Variants in DNM2 observed in about 807,000 individuals in gnomAD.
DNM2 encodes the protein dynamin-2.
In DNM2, 15 loss-of-function variants were observed where a neutral mutation model predicts 99.0. That is an observed-to-expected ratio of 0.15 (90% CI 0.10 to 0.23). DNM2 has a LOEUF of 0.23. DNM2 is among the 10% of genes least tolerant of loss of function. DNM2 has a pLI of 1.00. For synonymous variants in DNM2, 525 were observed against 481.2 expected, an observed-to-expected ratio of 1.09 and a Z score of -1.19; for missense variants, 742 against 1,189.4, an observed-to-expected ratio of 0.62 and a Z score of 5.53.
At chr19:10,724,868 G>A (rs563746640) in intron 1 of DNM2, among the ~76,000 whole-genome samples, 43 of 152,320 alleles carry the variant, frequency 2.8e-4, no homozygotes, top group Non-Finnish European at 5.1e-4. Context: ...CAGCTGTGCC[G>A]GGGATGCTGG....
intron 12 of DNM2, chr19:10,802,743 A>G (rs1368346365): frequency 2.9e-5 from 10 of 343,582 alleles, no homozygotes; most frequent in African/African-American, 1.3e-4. Context: ...TCATGGGCTC[A>G]GGGCTCCGGA....
intron 1 of DNM2, among the ~76,000 whole-genome samples, chr19:10,731,477 T>C (rs1169659916): frequency 2.6e-5 from 4 of 151,648 alleles, no homozygotes; most frequent in Non-Finnish European, 4.4e-5. Flanking sequence ...CTCAGCCTCC[T>C]GAGTAGCTGG....
intron 1 of DNM2, among the ~76,000 whole-genome samples, chr19:10,736,847 T>C (rs2145739622): frequency 6.6e-6 from 1 of 152,248 alleles, no homozygotes; most frequent in Middle Eastern, 3.4e-3. Context: ...AGAGGGAGCC[T>C]GTTAAGAATA....
chr19:10,792,866 C>G (rs1420994306), intron 7 of DNM2, among the ~76,000 whole-genome samples: 3 of 152,050 alleles, frequency 2.0e-5, no homozygotes, highest in African/African-American at 7.2e-5. Flanking sequence ...CCTCAGCCTC[C>G]CAAAGTGCTG....
chr19:10,823,708 C>T, intron 16 of DNM2, 80 bp from the exon 17 acceptor site: 2 of 1,431,244 alleles, frequency 1.4e-6, no homozygotes, highest in Admixed American at 3.4e-5. Context: ...AGAAAGACCC[C>T]TAGAGCCCAT....
At position 10,811,311 on chromosome 19, in the gene DNM2, G is replaced by A. The variant is rs555681344; in HGVS notation, c.1558-953G>A. On this transcript the variant is annotated intron_variant, in intron 14 of 20. Transcript: ENST00000389253. This position sits in a 1 kb window ranked among gnomAD's most constrained non-coding sequence, Gnocchi z 5.4. Reference sequence around the variant, plus strand: ...GTCAGGCCCGGGGTGGGTCGGGGTAGTCCGGATGAAGCCCCTCCAGAGGAC... The same window carrying A: ...GTCAGGCCCGGGGTGGGTCGGGGTAATCCGGATGAAGCCCCTCCAGAGGAC... 1.5e-5 allele frequency: 3 copies of A among 206,296 alleles called. No individual in the cohort carries two copies. The highest frequency in any genetic ancestry group is 1.4e-4 in the East Asian group (1 of 6,898). 12.8% of individuals were successfully genotyped at this position (206,296 alleles called of 1,614,324 possible).
At chr19:10,723,482 G>C (rs994924681) in intron 1 of DNM2, among the ~76,000 whole-genome samples, 3 of 152,132 alleles carry the variant, frequency 2.0e-5, no homozygotes, top group Admixed American at 2.0e-4. Context: ...TGGCCAGGCT[G>C]GTTCCAAACT....
rs562685551 is a variant in DNM2 at position 10,828,162 on chromosome 19, G to A, written c.2059-874G>A. ...AAATTAGCCGGGGGTTGGGGGGCACGCCTGTAGTCCCAGCTACTTGGGAGG... is the reference window on the plus strand; with the variant it reads ...AAATTAGCCGGGGGTTGGGGGGCACACCTGTAGTCCCAGCTACTTGGGAGG... On this transcript the variant is annotated intron_variant, in intron 18 of 20. Transcript: ENST00000389253. 2.6e-5 allele frequency among the ~76,000 whole-genome samples: 4 copies of A among 152,246 alleles called. No homozygotes were observed. The East Asian group carries it at 5.8e-4, about 22-fold the overall frequency.
chr19:10,830,957 C>G lies in DNM2; in HGVS notation c.2544-21C>G. Reference sequence around the variant, plus strand: ...CTCACTGCCGTCTCCCCCTCCCCACCTGTCTTTATTCTCTTTGCAGCAGAA... The same window carrying G: ...CTCACTGCCGTCTCCCCCTCCCCACGTGTCTTTATTCTCTTTGCAGCAGAA... On this transcript the variant is annotated intron_variant, in intron 20 of 20. Coordinates refer to ENST00000389253, the MANE Select transcript of DNM2 (RefSeq NM_001005361.3). The surrounding 1 kb of genome is among the most constrained non-coding windows in gnomAD (Gnocchi z 4.8). The G allele has an allele frequency of 6.2e-7, 1 of 1,607,598 alleles. No homozygotes were observed. The highest frequency in any genetic ancestry group is 1.1e-5 in the South Asian group (1 of 89,884).
chr19:10,795,314 C>T lies in DNM2; in HGVS notation c.1129-58C>T. Reference sequence around the variant, plus strand: ...GGAGAGAACGTTCCCCAGATGCACGCCTGCCACGGGGGCGCCCCGGGTGCC... The same window carrying T: ...GGAGAGAACGTTCCCCAGATGCACGTCTGCCACGGGGGCGCCCCGGGTGCC... On this transcript the variant is annotated intron_variant, in intron 8 of 20. Coordinates refer to ENST00000389253, the MANE Select transcript of DNM2 (RefSeq NM_001005361.3). This position sits in a 1 kb window ranked among gnomAD's most constrained non-coding sequence, Gnocchi z 4.2. The T allele has an allele frequency of 6.4e-7, 1 of 1,568,688 alleles. No individual in the cohort carries two copies. The highest frequency in any genetic ancestry group is 1.1e-5 in the South Asian group (1 of 90,138).
intron 16 of DNM2, chr19:10,823,153 T>C (rs74785173): frequency 0.083 from 12,482 of 150,978 alleles, 1,015 homozygotes; most frequent in East Asian, 0.36. Flanking sequence ...ACCTGTAATC[T>C]CAGAACTTTG....
chr19:10,737,007 G>T (rs2069553402), intron 1 of DNM2, among the ~76,000 whole-genome samples: 1 of 152,114 alleles, frequency 6.6e-6, no homozygotes. Context: ...AATTAGCCAG[G>T]CATGGCAGCG....
At chr19:10,751,675 A>G (rs1192295298) in intron 1 of DNM2, among the ~76,000 whole-genome samples, 1 of 152,216 alleles carries the variant, frequency 6.6e-6, no homozygotes, top group African/African-American at 2.4e-5. Context: ...GCAAAATCGG[A>G]TAAGTCCCAG....
At chr19:10,757,823 TA>T (rs1413940281) in intron 1 of DNM2, among the ~76,000 whole-genome samples, 1 of 150,892 alleles carries the variant, frequency 6.6e-6, no homozygotes, top group Non-Finnish European at 1.5e-5. Context: ...CGCGTGCATG[TA>T]ATCCCAGCTA....
intron 17 of DNM2, chr19:10,824,127 G>A (rs992105799): frequency 1.8e-6 from 1 of 566,706 alleles, no homozygotes; most frequent in Non-Finnish European, 3.2e-6. Flanking sequence ...AGGGGATGGG[G>A]TCCCACTTGC....
At chr19:10,781,550 T>C (rs549180207) in intron 5 of DNM2, 24 of 152,276 alleles carry the variant, frequency 1.6e-4, no homozygotes, top group African/African-American at 5.8e-4. Flanking sequence ...TGGGAGGCCA[T>C]GGCGGGCAGA....
At position 10,772,536 on chromosome 19, in the gene DNM2, G is replaced by A; in HGVS notation, c.293G>A (p.Arg98Gln). The A allele has an allele frequency of 1.9e-5, 31 of 1,614,146 alleles. No homozygotes were observed. The highest frequency in any genetic ancestry group is 2.5e-5 in the Non-Finnish European group (29 of 1,180,038). The change falls in exon 3 of 21, where the codon CGG (arginine) becomes CAG (glutamine). Residue 98 changes from arginine (R) to glutamine (Q), a missense_variant. Around this residue, in one of 7 missense-constraint regions of DNM2, gnomAD observed 192 missense variants for 358.9 expected, o/e 0.54. Transcript: ENST00000389253. This position sits in a 1 kb window ranked among gnomAD's most constrained non-coding sequence, Gnocchi z 4.9. ...SKKFTDFDEV[R>Q]QEIEAETDRV... The stretch of plus-strand genomic sequence containing the variant: ...AAGTTTACAGACTTTGATGAAGTCC[G>A]GCAGGAGATTGAAGCAGAGACCGAC...
chr19:10,798,448 G>A, intron 10 of DNM2, 38 bp from the exon 11 acceptor site: 4 of 1,608,388 alleles, frequency 2.5e-6, no homozygotes, highest in South Asian at 1.1e-5. Flanking sequence ...CGTGCCACGA[G>A]GACCCCGCCA....
rs576954520 is a variant in DNM2, at chr19:10,752,015, T to A, written c.162-7723T>A. On this transcript the variant is annotated intron_variant, in intron 1 of 20. Coordinates refer to ENST00000389253, the MANE Select transcript of DNM2 (RefSeq NM_001005361.3). ...CTCCCCATTGGCCGGGGTCGGGTCA[T>A]ACAATCTAAACCAATTTTGGTTGGC... is the stretch of plus-strand genomic sequence containing the variant. Among the ~76,000 whole-genome samples, 71 of 152,326 alleles carry A rather than the reference T, an allele frequency of 4.7e-4. No individual in the cohort carries two copies. The Middle Eastern group carries it at 0.01, about 22-fold the overall frequency.
Sources: gnomAD v4.1 joint callset for allele counts (sites outside exome capture counted in the v4.1 genomes callset) on GRCh38, gnomAD v4.1.1 for gene constraint, gnomAD v4.1.1 regional missense constraint, Gnocchi (gnomAD v3.1) non-coding constraint, MANE v1.5 for transcripts, NCBI Gene and HGNC (gene_info 2026-07-23, HGNC 2026-07-21) for gene names.